Variants in HHAT observed in about 807,000 individuals in gnomAD.
The protein encoded by HHAT is protein-cysteine N-palmitoyltransferase HHAT.
HHAT carries 47 observed loss-of-function variants against 70.8 expected under a neutral mutation model. The ratio of observed to expected loss-of-function variants is 0.66; its 90% CI spans 0.53 to 0.85. The LOEUF (loss-of-function observed/expected upper bound fraction) is 0.85, where lower values mean the gene tolerates loss of function less well. Ranked by LOEUF, HHAT falls within the 40% of genes least tolerant of loss-of-function variation. The probability of loss-of-function intolerance (pLI) is 0.00; values close to 1 mark genes in which losing one functional copy is unlikely to be tolerated. For synonymous variants in HHAT, 228 were observed against 247.6 expected, an observed-to-expected ratio of 0.92 and a Z score of 0.74; for missense variants, 609 against 604.8, an observed-to-expected ratio of 1.01 and a Z score of -0.07.
At chr1:210,645,765 C>A (rs562192021) in intron 11 of HHAT, among the ~76,000 whole-genome samples, 2 of 152,210 alleles carry the variant, frequency 1.3e-5, no homozygotes, top group Non-Finnish European at 1.5e-5. Context: ...GTTGCCCAGG[C>A]CTTCCTGATA....
chr1:210,409,711 T>G (rs952041868), intron 6 of HHAT, among the ~76,000 whole-genome samples: 1 of 152,236 alleles, frequency 6.6e-6, no homozygotes, highest in Non-Finnish European at 1.5e-5. Context: ...AAAAAGAACC[T>G]TTCATCTTTG....
intron 3 of HHAT, among the ~76,000 whole-genome samples, chr1:210,384,394 G>C (rs2090886486): frequency 6.6e-6 from 1 of 152,164 alleles, no homozygotes. Context: ...GATTCTGTGA[G>C]TTTATGAACA....
intron 9 of HHAT, among the ~76,000 whole-genome samples, chr1:210,556,120 C>T (rs2148696218): frequency 6.6e-6 from 1 of 152,088 alleles, no homozygotes; most frequent in Admixed American, 6.6e-5. Flanking sequence ...CTTTTCCTCC[C>T]CTTCTCGTGG....
intron 3 of HHAT, chr1:210,374,275 C>CAA (rs1558385457): frequency 3.3e-5 from 5 of 151,824 alleles, no homozygotes; most frequent in Non-Finnish European, 7.4e-5. Flanking sequence ...TGTAATGCTA[C>CAA]AAATTAGTTC....
chr1:210,414,530 G>C (rs1338511448), intron 6 of HHAT, among the ~76,000 whole-genome samples: 1 of 152,144 alleles, frequency 6.6e-6, no homozygotes, highest in Non-Finnish European at 1.5e-5. Flanking sequence ...ATAAAAATTA[G>C]TCTAGCATAA....
intron 7 of HHAT, among the ~76,000 whole-genome samples, chr1:210,425,857 AT>A (rs1412061364): frequency 6.6e-6 from 1 of 151,934 alleles, no homozygotes. Context: ...TTTTAAAATA[AT>A]TTTTTTCTAG....
At chr1:210,417,212 A>G (rs2092748420) in intron 6 of HHAT, among the ~76,000 whole-genome samples, 1 of 152,114 alleles carries the variant, frequency 6.6e-6, no homozygotes, top group African/African-American at 2.4e-5. Context: ...TGGCAAAGCT[A>G]CCCGAAGTGA....
At chr1:210,556,100 C>G (rs550818977) in intron 9 of HHAT, among the ~76,000 whole-genome samples, 86 of 152,082 alleles carry the variant, frequency 5.7e-4, no homozygotes, top group African/African-American at 1.9e-3. Context: ...TCTATACTCT[C>G]ATTTCTTTTC....
chr1:210,517,313 T>C (rs1221305870), intron 9 of HHAT, among the ~76,000 whole-genome samples: 1 of 152,196 alleles, frequency 6.6e-6, no homozygotes, highest in Non-Finnish European at 1.5e-5. Flanking sequence ...TTTGAATAGA[T>C]ATGGGGTTTT....
At chr1:210,459,504 T>C (rs1026506897) in intron 7 of HHAT, among the ~76,000 whole-genome samples, 5 of 152,078 alleles carry the variant, frequency 3.3e-5, no homozygotes, top group African/African-American at 1.2e-4. Context: ...TGTGGTCTGA[T>C]AGGATAAGGA....
At chr1:210,535,991 C>T (rs1558113279) in intron 9 of HHAT, among the ~76,000 whole-genome samples, 2 of 152,144 alleles carry the variant, frequency 1.3e-5, no homozygotes, top group Non-Finnish European at 1.5e-5. Flanking sequence ...TCAGCTGCTC[C>T]TGGGGAGATT....
intron 9 of HHAT, among the ~76,000 whole-genome samples, chr1:210,526,092 G>C (rs962612301): frequency 6.6e-6 from 1 of 152,166 alleles, no homozygotes; most frequent in Admixed American, 6.5e-5. Flanking sequence ...GTGGGAAGAG[G>C]TGGGACCTGG....
At chr1:210,606,254 A>C (rs1665404966) in intron 10 of HHAT, among the ~76,000 whole-genome samples, 1 of 151,812 alleles carries the variant, frequency 6.6e-6, no homozygotes, top group Non-Finnish European at 1.5e-5. Flanking sequence ...TAATATAATA[A>C]CTTCATTTTT....
Position 210,674,358 on chromosome 1 carries a change from C to G in HHAT, c.1461C>G (p.Ala487=), listed in dbSNP as rs1033023540. The G allele has an allele frequency of 5.0e-6, 8 of 1,614,116 alleles. No homozygotes were observed. Among genetic ancestry groups the G allele is most frequent in the Non-Finnish European group, 6.8e-6 (8 of 1,180,000 alleles). The change falls in exon 12 of 12, where the codon GCC becomes GCG. Residue 487 remains alanine, a synonymous_variant. Coordinates refer to ENST00000261458, the MANE Select transcript of HHAT (RefSeq NM_018194.6). ...YCYSHVGIAW[A]QTYATD is the part of the protein sequence containing the mutation. ...ACTCCCACGTGGGCATTGCCTGGGCCCAGACCTACGCCACGGACTAATGCT... is the reference window on the plus strand; with the variant it reads ...ACTCCCACGTGGGCATTGCCTGGGCGCAGACCTACGCCACGGACTAATGCT...
chr1:210,363,959 G>C (rs2088633159), intron 3 of HHAT, among the ~76,000 whole-genome samples: 1 of 152,044 alleles, frequency 6.6e-6, no homozygotes, highest in South Asian at 2.1e-4. Context: ...TTTTTCTATT[G>C]AAAGTTGCAG....
chr1:210,505,135 G>T (rs2094830178), intron 8 of HHAT, among the ~76,000 whole-genome samples: 2 of 152,050 alleles, frequency 1.3e-5, no homozygotes, highest in Non-Finnish European at 2.9e-5. Context: ...CTGACCTCAG[G>T]TGATACACCC....
At chr1:210,574,522 C>G (rs2490218) in intron 9 of HHAT, among the ~76,000 whole-genome samples, 139,199 of 152,298 alleles carry the variant, frequency 0.91, 63,786 homozygotes, top group East Asian at 0.99. Flanking sequence ...ACCCTTGTTA[C>G]ACTAAATGCT....
chr1:210,329,624 G>A, intron 1 of HHAT: 1 of 323,732 alleles, frequency 3.1e-6, no homozygotes, highest in African/African-American at 2.2e-5. Flanking sequence ...TAGCATTGGT[G>A]TTAAGAAATG....
At chr1:210,474,977 A>G (rs773882518) in intron 8 of HHAT, among the ~76,000 whole-genome samples, 13 of 152,054 alleles carry the variant, frequency 8.5e-5, no homozygotes, top group Non-Finnish European at 1.3e-4. Flanking sequence ...CAGTCCCCCA[A>G]GTAGTTGGGA....
Sources: gnomAD v4.1 joint callset for allele counts (sites outside exome capture counted in the v4.1 genomes callset) on GRCh38, gnomAD v4.1.1 for gene constraint, MANE v1.5 for transcripts, NCBI Gene and HGNC (gene_info 2026-07-23, HGNC 2026-07-21) for gene names.